MECOM: variants seen among roughly 807,000 people sequenced by gnomAD.
MECOM encodes histone-lysine N-methyltransferase MECOM.
A neutral mutation model predicts 116.3 loss-of-function variants in MECOM; 13 were observed. The ratio of observed to expected loss-of-function variants is 0.11; its 90% CI spans 0.07 to 0.18. MECOM has a LOEUF of 0.18. Ranked by LOEUF, MECOM falls within the 10% of genes least tolerant of loss-of-function variation. The pLI is 1.00. For synonymous variants in MECOM, 528 were observed against 535.2 expected, an observed-to-expected ratio of 0.99 and a Z score of 0.19; for missense variants, 1,299 against 1,509.0, an observed-to-expected ratio of 0.86 and a Z score of 2.31.
intron 1 of MECOM, among the ~76,000 whole-genome samples, chr3:169,406,967 C>G (rs1449351406): frequency 1.3e-5 from 2 of 151,852 alleles, no homozygotes; most frequent in Non-Finnish European, 2.9e-5. Context: ...CTCAGTCTCC[C>G]AAGTAGCTGG....
At chr3:169,375,403 A>T (rs896681182) in intron 2 of MECOM, among the ~76,000 whole-genome samples, 1 of 7,358 alleles carries the variant, frequency 1.4e-4, no homozygotes, top group Admixed American at 1.7e-3. Flanking sequence ...TTTTTTAAAA[A>T]AAAAATTGAC....
At chr3:169,426,904 T>G (rs537821820) in intron 1 of MECOM, among the ~76,000 whole-genome samples, 2 of 152,328 alleles carry the variant, frequency 1.3e-5, no homozygotes, top group South Asian at 2.1e-4. Context: ...AGATATTGTA[T>G]GTATACACGT....
intron 2 of MECOM, among the ~76,000 whole-genome samples, chr3:169,228,556 A>G (rs1229288071): frequency 2.0e-5 from 3 of 152,252 alleles, no homozygotes; most frequent in Non-Finnish European, 4.4e-5. Flanking sequence ...AAATAAAAAC[A>G]GGATAAAAAT....
chr3:169,557,149 C>T (rs1762134323), intron 1 of MECOM, among the ~76,000 whole-genome samples: 2 of 152,088 alleles, frequency 1.3e-5, no homozygotes, highest in Admixed American at 6.6e-5. Context: ...ACATTGGGTG[C>T]CCTCTGTGTA....
intron 1 of MECOM, among the ~76,000 whole-genome samples, chr3:169,475,848 C>T (rs919962817): frequency 1.7e-4 from 26 of 152,116 alleles, no homozygotes; most frequent in African/African-American, 5.3e-4. Context: ...TAGGAGCTAG[C>T]ATGGATGTCT....
intron 1 of MECOM, among the ~76,000 whole-genome samples, chr3:169,450,739 T>C (rs1188019897): frequency 6.6e-6 from 1 of 152,170 alleles, no homozygotes; most frequent in Non-Finnish European, 1.5e-5. Context: ...CCAATCTCCC[T>C]ACTTCCTTAC....
At chr3:169,459,492 A>G (rs1747066125) in intron 1 of MECOM, among the ~76,000 whole-genome samples, 1 of 152,204 alleles carries the variant, frequency 6.6e-6, no homozygotes, top group African/African-American at 2.4e-5. Context: ...TTTTACCTGA[A>G]AAGTTGACCA....
chr3:169,519,757 T>G (rs1757129350), intron 1 of MECOM, among the ~76,000 whole-genome samples: 1 of 152,252 alleles, frequency 6.6e-6, no homozygotes, highest in South Asian at 2.1e-4. Flanking sequence ...TTTGTTTAGT[T>G]GCTCACTAAA....
chr3:169,395,740 G>A (rs9853999), intron 1 of MECOM, among the ~76,000 whole-genome samples: 5,291 of 152,248 alleles, frequency 0.035, 195 homozygotes, highest in African/African-American at 0.088. Context: ...GTAAACCAGT[G>A]TCAAATATTA....
chr3:169,416,164 TAACA>T (rs1247248254), intron 1 of MECOM, among the ~76,000 whole-genome samples: 4 of 152,096 alleles, frequency 2.6e-5, no homozygotes, highest in African/African-American at 9.7e-5. Flanking sequence ...ACAGAAATCA[TAACA>T]AACAGTCTCT....
chr3:169,128,311 G>A (rs1460375249), intron 4 of MECOM, among the ~76,000 whole-genome samples: 3 of 152,102 alleles, frequency 2.0e-5, no homozygotes, highest in Non-Finnish European at 4.4e-5. Flanking sequence ...AACCTTTTCA[G>A]GTCCAGAGAA....
intron 1 of MECOM, among the ~76,000 whole-genome samples, chr3:169,584,409 C>T (rs1765512669): frequency 1.3e-5 from 2 of 151,036 alleles, no homozygotes; most frequent in South Asian, 4.2e-4. Context: ...ACTAAAAATA[C>T]AAAAAATTAG....
chr3:169,653,481 T>C (rs1272458134), intron 1 of MECOM, among the ~76,000 whole-genome samples: 3 of 152,160 alleles, frequency 2.0e-5, no homozygotes, highest in African/African-American at 7.2e-5. Flanking sequence ...CCAGGAGAGA[T>C]CATGAAGAAG....
chr3:169,654,387 C>T (rs1775276594), intron 1 of MECOM, among the ~76,000 whole-genome samples: 1 of 152,196 alleles, frequency 6.6e-6, no homozygotes. Context: ...AGACGTTCAT[C>T]CCTTAAAAAC....
At chr3:169,184,484 T>C (rs1209744977) in intron 2 of MECOM, among the ~76,000 whole-genome samples, 1 of 151,632 alleles carries the variant, frequency 6.6e-6, no homozygotes, top group Non-Finnish European at 1.5e-5. Flanking sequence ...CAAGGCTGGC[T>C]TTCTAATTTT....
chr3:169,131,541 C>G lies in MECOM; in HGVS notation c.511-10G>C, dbSNP rs1734702173. 2 of 1,599,826 alleles carry G rather than the reference C, an allele frequency of 1.3e-6. No homozygotes were observed. Among genetic ancestry groups the G allele is most frequent in the African/African-American group, 1.3e-5 (1 of 74,502 alleles). On this transcript the variant is annotated splice_polypyrimidine_tract_variant and intron_variant, in intron 3 of 16. Transcript: ENST00000651503. ...CTACTCTATAGAATATCTTTAAAGA[C>G]AAAATAAAGGTGGATGGAATCAGGA...
intron 2 of MECOM, among the ~76,000 whole-genome samples, chr3:169,338,595 T>C (rs577576040): frequency 7.7e-6 from 1 of 129,858 alleles, no homozygotes; most frequent in East Asian, 2.6e-4. Context: ...TGTATTTATG[T>C]TAGGGGTGTG....
intron 1 of MECOM, chr3:169,614,713 A>T (rs747532731): frequency 1.3e-5 from 2 of 152,164 alleles, no homozygotes; most frequent in Non-Finnish European, 2.9e-5. Flanking sequence ...CTTTAAAAAA[A>T]AAAAAAGACG....
At chr3:169,324,930 C>A (rs1025268212) in intron 2 of MECOM, among the ~76,000 whole-genome samples, 2 of 152,154 alleles carry the variant, frequency 1.3e-5, no homozygotes, top group Admixed American at 6.5e-5. Flanking sequence ...TCAAATCACA[C>A]CTGGTACAGA....
Sources: gnomAD v4.1 joint callset for allele counts (sites outside exome capture counted in the v4.1 genomes callset) on GRCh38, gnomAD v4.1.1 for gene constraint, MANE v1.5 for transcripts, NCBI Gene and HGNC (gene_info 2026-07-23, HGNC 2026-07-21) for gene names.